The following USP25 variants were observed in gnomAD, a reference collection of about 807,000 sequenced individuals.
USP25 encodes ubiquitin specific peptidase 25, also known as ubiquitin carboxyl-terminal hydrolase 25.
A neutral mutation model predicts 158.5 loss-of-function variants in USP25; 85 were observed. That is an observed-to-expected ratio of 0.54 (90% CI 0.45 to 0.64). The LOEUF is 0.64. USP25 is among the 30% of genes least tolerant of loss of function. USP25 has a pLI of 0.00. For missense variants in USP25, 1,242 were observed against 1,327.3 expected, an observed-to-expected ratio of 0.94 and a Z score of 1.00; for synonymous variants, 464 against 460.4, an observed-to-expected ratio of 1.01 and a Z score of -0.10.
At chr21:15,793,570 G>A (rs1395738768) in intron 5 of USP25, among the ~76,000 whole-genome samples, 1 of 151,232 alleles carries the variant, frequency 6.6e-6, no homozygotes, top group Non-Finnish European at 1.5e-5. Context: ...AAGTTTAGTG[G>A]CTGCTTAACT....
chr21:15,839,019 C>T (rs114991125), intron 17 of USP25, among the ~76,000 whole-genome samples: 2,120 of 152,162 alleles, frequency 0.014, 56 homozygotes, highest in African/African-American at 0.049. Flanking sequence ...TCTGTGGAGG[C>T]CAGTCATTTG....
intron 1 of USP25, among the ~76,000 whole-genome samples, chr21:15,743,396 C>T (rs2032242521): frequency 6.6e-6 from 1 of 152,050 alleles, no homozygotes; most frequent in South Asian, 2.1e-4. Context: ...GTGAGGAAGG[C>T]AGAGAAGAAT....
At position 15,732,777 on chromosome 21, in the gene USP25, A is replaced by G. The variant is rs144171178; in HGVS notation, c.45+2339A>G. ...TTTGTTGTTTGCAGCACCACACTAC[A>G]CAAAACTTTCATGATTTTTTGGTTC... On this transcript the variant is annotated intron_variant, in intron 1 of 25. Coordinates refer to ENST00000400183, the MANE Select transcript of USP25 (RefSeq NM_001283041.3). Among the ~76,000 whole-genome samples the G allele has an allele frequency of 8.1e-3, 1,234 of 152,314 alleles. 9 individuals are homozygous for G. The highest frequency in any genetic ancestry group is 0.011 in the Non-Finnish European group (767 of 68,030).
At chr21:15,838,133 G>A (rs1476523438) in intron 17 of USP25, among the ~76,000 whole-genome samples, 1 of 151,710 alleles carries the variant, frequency 6.6e-6, no homozygotes, top group Non-Finnish European at 1.5e-5. Context: ...TCACCATGTT[G>A]ATCAGTCTTG....
At chr21:15,855,911 T>C (rs1169254726) in intron 20 of USP25, among the ~76,000 whole-genome samples, 1 of 152,262 alleles carries the variant, frequency 6.6e-6, no homozygotes, top group East Asian at 1.9e-4. Flanking sequence ...TGGCATCTTT[T>C]ACTCTAGGTC....
At chr21:15,820,341 A>G (rs1052482762) in intron 10 of USP25, among the ~76,000 whole-genome samples, 1 of 152,026 alleles carries the variant, frequency 6.6e-6, no homozygotes, top group African/African-American at 2.4e-5. Context: ...ACAGAATTGA[A>G]ATTTTATTGT....
chr21:15,820,223 A>G (rs1337560968), intron 10 of USP25, among the ~76,000 whole-genome samples: 1 of 152,084 alleles, frequency 6.6e-6, no homozygotes, highest in Non-Finnish European at 1.5e-5. Context: ...TTGGGGTAGT[A>G]AGGCAGGGAT....
intron 14 of USP25, among the ~76,000 whole-genome samples, chr21:15,827,860 T>C (rs2146371446): frequency 6.6e-6 from 1 of 151,086 alleles, no homozygotes; most frequent in South Asian, 2.1e-4. Flanking sequence ...TTTTCTATTC[T>C]ATTTTTTCTT....
In USP25 at chr21:15,846,149, TATATATA is replaced by T. The variant is rs1358663586; in HGVS notation, c.2338-1513_2338-1507del. Among the ~76,000 whole-genome samples the T allele has an allele frequency of 1.9e-3, 132 of 69,780 alleles. 10 individuals carry two copies. The highest frequency in any genetic ancestry group is 0.01 in the African/African-American group (110 of 10,484). 45.8% of individuals were successfully genotyped at this position (69,780 alleles called of 152,430 possible). A position where few individuals can be genotyped will look rare whatever the true frequency, so the allele number is the denominator to read the frequency against. On this transcript the variant is annotated intron_variant, in intron 18 of 25. Transcript: ENST00000400183. ...ATATATATATATATATATATATATA[TATATATA>T]TATTTTTTTTTTTTTTTTTTTTTTG... is the stretch of plus-strand genomic sequence containing the variant.
chr21:15,739,736 C>T (rs546091000), intron 1 of USP25, among the ~76,000 whole-genome samples: 2 of 152,230 alleles, frequency 1.3e-5, no homozygotes, highest in Admixed American at 6.5e-5. Context: ...ACAATATAAT[C>T]ACTGATTTTT....
rs1337481054 is a variant in USP25, at chr21:15,730,459, G to T, written c.45+21G>T. ...AGAAGGTGAGGCGAGTCCGCCAGCC[G>T]GCGGGCCCCACTTCTCCTTCCGACG... is the stretch of plus-strand genomic sequence containing the variant. On this transcript the variant is annotated intron_variant, in intron 1 of 25. Coordinates refer to ENST00000400183, the MANE Select transcript of USP25 (RefSeq NM_001283041.3). 3.0e-6 allele frequency: 4 copies of T among 1,344,976 alleles called. No individual in the cohort carries two copies. In the Admixed American group the frequency reaches 1.4e-4, roughly 47 times the overall value. The allele number at this position is 1,344,976 out of a possible 1,614,324, so 83.3% of individuals were successfully genotyped here.
At chr21:15,878,259 A>G in intron 25 of USP25, 44 bp from the exon 26 acceptor site, 1 of 1,580,490 alleles carries the variant, frequency 6.3e-7, no homozygotes, top group South Asian at 1.2e-5. Context: ...ATGATCGTGT[A>G]ATAATTTCTA....
intron 4 of USP25, among the ~76,000 whole-genome samples, chr21:15,781,688 C>T (rs530255368): frequency 6.6e-6 from 1 of 152,188 alleles, no homozygotes; most frequent in East Asian, 1.9e-4. Flanking sequence ...GTCTCCCCTG[C>T]GAGGATTGAA....
chr21:15,776,139 C>T (rs1392701801), intron 3 of USP25, among the ~76,000 whole-genome samples: 1 of 152,066 alleles, frequency 6.6e-6, no homozygotes, highest in Non-Finnish European at 1.5e-5. Flanking sequence ...TTCTGGGTTA[C>T]ACTCATCTTC....
chr21:15,824,367 T>TA (rs1460872299), intron 11 of USP25, among the ~76,000 whole-genome samples: 3 of 152,206 alleles, frequency 2.0e-5, no homozygotes, highest in Non-Finnish European at 4.4e-5. Context: ...TAAGGAAATT[T>TA]AAAAAAGATG....
At chr21:15,863,391 T>G (rs2039515892) in intron 20 of USP25, among the ~76,000 whole-genome samples, 1 of 152,206 alleles carries the variant, frequency 6.6e-6, no homozygotes, top group Admixed American at 6.5e-5. Flanking sequence ...CAATAAATAC[T>G]TCTTTTTGTG....
chr21:15,870,499 T>C (rs1420648831), intron 23 of USP25, among the ~76,000 whole-genome samples: 2 of 152,204 alleles, frequency 1.3e-5, no homozygotes, highest in Non-Finnish European at 2.9e-5. Flanking sequence ...AGTGTAGCTG[T>C]AGAAAATTTT....
At chr21:15,754,473 C>T (rs903232464) in intron 1 of USP25, among the ~76,000 whole-genome samples, 2 of 152,122 alleles carry the variant, frequency 1.3e-5, no homozygotes, top group African/African-American at 4.8e-5. Context: ...CTTTAGTGCA[C>T]GTGCTTCTGA....
chr21:15,733,222 G>A (rs2031140742), intron 1 of USP25, among the ~76,000 whole-genome samples: 1 of 139,824 alleles, frequency 7.2e-6, no homozygotes, highest in African/African-American at 2.7e-5. Flanking sequence ...TGCTCCCAGG[G>A]ACCAAATTAA....
Sources: gnomAD v4.1 joint callset for allele counts (sites outside exome capture counted in the v4.1 genomes callset) on GRCh38, gnomAD v4.1.1 for gene constraint, MANE v1.5 for transcripts, NCBI Gene and HGNC (gene_info 2026-07-23, HGNC 2026-07-21) for gene names.